SYT1: variants seen among roughly 807,000 people sequenced by gnomAD.
The protein encoded by SYT1 is synaptotagmin-1.
SYT1 carries 8 observed loss-of-function variants against 44.8 expected under a neutral mutation model. The ratio of observed to expected loss-of-function variants is 0.18; its 90% CI spans 0.10 to 0.32. The LOEUF is 0.32. Ranked by LOEUF, SYT1 falls within the 10% of genes least tolerant of loss-of-function variation. The probability of loss-of-function intolerance (pLI) is 1.00; values close to 1 mark genes in which losing one functional copy is unlikely to be tolerated. For missense variants in SYT1, 286 were observed against 509.3 expected (o/e 0.56, Z 4.22); for synonymous variants, 154 against 188.8 (o/e 0.82, Z 1.51).
At chr12:78,941,055 C>CTTTTTTTTTCTTTTTTTTTTTTTTTT (rs1878328643) in intron 1 of SYT1, among the ~76,000 whole-genome samples, 1 of 86,020 alleles carries the variant, frequency 1.2e-5, no homozygotes, top group Non-Finnish European at 2.6e-5. Flanking sequence ...CTTTTTTTTT[C>CTTTTTTTTTCTTTTTTTTTTTTTTTT]TTTTTTTTTC....
At chr12:79,082,089 C>A (rs1301354008) in intron 3 of SYT1, among the ~76,000 whole-genome samples, 3 of 152,106 alleles carry the variant, frequency 2.0e-5, no homozygotes, top group Non-Finnish European at 4.4e-5. Flanking sequence ...ACCTCAAATG[C>A]CCATCTATTG....
At chr12:78,961,781 G>T (rs1372787574) in intron 1 of SYT1, among the ~76,000 whole-genome samples, 1 of 152,000 alleles carries the variant, frequency 6.6e-6, no homozygotes, top group East Asian at 1.9e-4. Context: ...TGGAATAATT[G>T]TTGAACATGG....
intron 9 of SYT1, among the ~76,000 whole-genome samples, chr12:79,424,376 T>C (rs1323599969): frequency 6.6e-6 from 1 of 152,174 alleles, no homozygotes; most frequent in Non-Finnish European, 1.5e-5. Flanking sequence ...TGTATTGTGT[T>C]TGTGTGCTGT....
At chr12:78,931,222 A>AGGAAG (rs1877649601) in intron 1 of SYT1, among the ~76,000 whole-genome samples, 1 of 59,094 alleles carries the variant, frequency 1.7e-5, no homozygotes, top group African/African-American at 9.7e-5. Context: ...AAAGAAAGAA[A>AGGAAG]GAAAGAAAGA....
intron 4 of SYT1, among the ~76,000 whole-genome samples, chr12:79,277,637 A>C (rs1189811352): frequency 6.6e-6 from 1 of 152,218 alleles, no homozygotes; most frequent in East Asian, 1.9e-4. Flanking sequence ...AATGATCCAC[A>C]TGATGAATGG....
chr12:79,171,315 T>C (rs1488923546), intron 3 of SYT1, among the ~76,000 whole-genome samples: 5 of 152,100 alleles, frequency 3.3e-5, no homozygotes, highest in African/African-American at 1.2e-4. Flanking sequence ...TGATTCTTCC[T>C]CTCCATGAGC....
In SYT1 at chr12:78,908,056, T is replaced by C. The variant is rs539790689; in HGVS notation, c.-217+42947T>C. Among the ~76,000 whole-genome samples, 9 of 152,128 alleles carry C rather than the reference T, an allele frequency of 5.9e-5. No homozygotes were observed. The South Asian group carries it at 1.9e-3, about 31-fold the overall frequency. ...TTTTGGTTTTGCCTAAAGGTCAAAATAATAGAAAATCACACCAAGCTATTA... is the reference window on the plus strand; with the variant it reads ...TTTTGGTTTTGCCTAAAGGTCAAAACAATAGAAAATCACACCAAGCTATTA... On this transcript the variant is annotated intron_variant, in intron 1 of 10. Coordinates refer to ENST00000261205, the MANE Select transcript of SYT1 (RefSeq NM_005639.3).
intron 2 of SYT1, among the ~76,000 whole-genome samples, chr12:79,010,239 T>G (rs1871330480): frequency 6.6e-6 from 1 of 152,008 alleles, no homozygotes; most frequent in African/African-American, 2.4e-5. Flanking sequence ...AATTGAATGA[T>G]TTTTTTTCCA....
At chr12:79,119,298 T>C (rs1879463353) in intron 3 of SYT1, among the ~76,000 whole-genome samples, 1 of 152,208 alleles carries the variant, frequency 6.6e-6, no homozygotes, top group Non-Finnish European at 1.5e-5. Flanking sequence ...TATGCCATTT[T>C]GCTTTTTAAA....
chr12:79,122,262 C>T (rs1488455712), intron 3 of SYT1, among the ~76,000 whole-genome samples: 1 of 151,860 alleles, frequency 6.6e-6, no homozygotes, highest in Non-Finnish European at 1.5e-5. Context: ...CGCCTGTAAT[C>T]CCAGCACTTT....
intron 3 of SYT1, among the ~76,000 whole-genome samples, chr12:79,054,336 T>C (rs1565784316): frequency 6.6e-6 from 1 of 152,052 alleles, no homozygotes; most frequent in Non-Finnish European, 1.5e-5. Flanking sequence ...GATTGCATCA[T>C]GCATATTTGT....
intron 1 of SYT1, among the ~76,000 whole-genome samples, chr12:78,956,036 A>G (rs891850304): frequency 1.3e-5 from 2 of 151,972 alleles, no homozygotes; most frequent in African/African-American, 4.8e-5. Context: ...AAACTTCTAT[A>G]ATATGAAAAA....
intron 8 of SYT1, among the ~76,000 whole-genome samples, chr12:79,337,079 C>A (rs1263228678): frequency 1.3e-5 from 2 of 150,806 alleles, no homozygotes; most frequent in Non-Finnish European, 2.9e-5. Context: ...CCCCTCCCCC[C>A]AGTGTTGGGA....
intron 1 of SYT1, among the ~76,000 whole-genome samples, chr12:78,911,222 G>C (rs1876303920): frequency 6.6e-6 from 1 of 152,120 alleles, no homozygotes; most frequent in African/African-American, 2.4e-5. Flanking sequence ...CATTGAGATA[G>C]AAAACACACT....
chr12:78,918,494 G>A (rs980803253), intron 1 of SYT1, among the ~76,000 whole-genome samples: 3 of 152,084 alleles, frequency 2.0e-5, no homozygotes, highest in Non-Finnish European at 2.9e-5. Context: ...GTGGGTATAT[G>A]AGCTGGTTAC....
At chr12:79,278,548 C>A (rs1484510258) in intron 4 of SYT1, among the ~76,000 whole-genome samples, 1 of 151,918 alleles carries the variant, frequency 6.6e-6, no homozygotes, top group African/African-American at 2.4e-5. Flanking sequence ...TGCTTAATGC[C>A]TACACAAAAA....
At chr12:79,025,634 T>C (rs1369674774) in intron 2 of SYT1, among the ~76,000 whole-genome samples, 11 of 151,578 alleles carry the variant, frequency 7.3e-5, no homozygotes, top group Admixed American at 5.3e-4. Context: ...GATATATGTA[T>C]GTATATGTGT....
intron 3 of SYT1, among the ~76,000 whole-genome samples, chr12:79,125,434 G>A (rs918441140): frequency 1.8e-4 from 26 of 141,146 alleles, no homozygotes; most frequent in Non-Finnish European, 2.7e-4. Context: ...AACATAGTGC[G>A]ACCCTCACTG....
At chr12:78,931,179 A>AAGAAAG (rs1555181905) in intron 1 of SYT1, among the ~76,000 whole-genome samples, 1 of 59,868 alleles carries the variant, frequency 1.7e-5, no homozygotes, top group Admixed American at 2.6e-4. Context: ...GAAAGAAAGA[A>AAGAAAG]AAAGAAAGAA....
Sources: allele counts gnomAD v4.1 joint callset (sites outside exome capture counted in the v4.1 genomes callset), GRCh38; gene constraint gnomAD v4.1.1; transcripts MANE v1.5; gene names NCBI Gene and HGNC (gene_info 2026-07-23, HGNC 2026-07-21).